PCDHA6: variants seen among roughly 807,000 people sequenced by gnomAD.
PCDHA6 encodes the protein protocadherin alpha-6.
Under a neutral mutation model 60.3 loss-of-function variants are expected in PCDHA6, and 55 were observed. That is an observed-to-expected ratio of 0.91 (90% CI 0.73 to 1.14). The LOEUF is 1.14. Among genes scored for constraint, PCDHA6 ranks in the 50% most tolerant of loss-of-function variants. PCDHA6 has a pLI of 0.00. For missense variants in PCDHA6, 1,327 were observed against 1,256.5 expected, an observed-to-expected ratio of 1.06 and a Z score of -0.85; for synonymous variants, 652 against 557.9, an observed-to-expected ratio of 1.17 and a Z score of -2.38.
At chr5:140,867,426 AT>A (rs1462800556) in intron 1 of PCDHA6, 4 of 152,150 alleles carry the variant, frequency 2.6e-5, no homozygotes, top group African/African-American at 9.7e-5. Flanking sequence ...TTAATACAGA[AT>A]TTTGCATTTA....
chr5:140,981,888 G>A (rs1554243508), intron 2 of PCDHA6, among the ~76,000 whole-genome samples: 1 of 152,140 alleles, frequency 6.6e-6, no homozygotes, highest in Non-Finnish European at 1.5e-5. Flanking sequence ...AATCTCTTCT[G>A]AGCGGGGATC....
chr5:140,946,611 A>AATATATAGATATATATATATAT (rs2093974557), intron 1 of PCDHA6, among the ~76,000 whole-genome samples: 1 of 86,814 alleles, frequency 1.2e-5, no homozygotes, highest in Non-Finnish European at 2.1e-5. Context: ...GAAAATGTGA[A>AATATATAGATATATATATATAT]ATATATATAT....
intron 1 of PCDHA6, chr5:140,841,422 C>T: frequency 6.2e-7 from 1 of 1,612,994 alleles, no homozygotes; most frequent in East Asian, 2.2e-5. Context: ...CTCCACTACT[C>T]CGTCCCCGAG....
intron 1 of PCDHA6, among the ~76,000 whole-genome samples, chr5:140,845,743 T>C (rs2150214472): frequency 6.7e-6 from 1 of 149,754 alleles, no homozygotes; most frequent in East Asian, 1.9e-4. Flanking sequence ...ACTTTATAGA[T>C]TTATTTGTAT....
intron 1 of PCDHA6, among the ~76,000 whole-genome samples, chr5:140,937,353 T>C (rs2091494629): frequency 6.6e-6 from 1 of 152,146 alleles, no homozygotes; most frequent in Admixed American, 6.5e-5. Context: ...ATTTATTTTA[T>C]TATTTTATCT....
At chr5:140,908,455 AT>A (rs367827339) in intron 1 of PCDHA6, among the ~76,000 whole-genome samples, 51 of 152,296 alleles carry the variant, frequency 3.3e-4, no homozygotes, top group African/African-American at 9.9e-4. Flanking sequence ...GGCTAGATGG[AT>A]CAGAAAGCAC....
chr5:140,932,421 G>T (rs530079640), intron 1 of PCDHA6, among the ~76,000 whole-genome samples: 1 of 151,878 alleles, frequency 6.6e-6, no homozygotes, highest in Non-Finnish European at 1.5e-5. Context: ...TTAGTGTATT[G>T]TTCACCTGGA....
chr5:140,844,840 G>A lies in PCDHA6; in HGVS notation c.2394+14355G>A, dbSNP rs2150374183. 8.0e-5 allele frequency among the ~76,000 whole-genome samples: 12 copies of A among 149,088 alleles called. No homozygotes were observed. In the East Asian group the frequency reaches 1.9e-3, roughly 24 times the overall value. On this transcript the variant is annotated intron_variant, in intron 1 of 3. Transcript: ENST00000529310. ...TTGTCTTTTTACACGTTTGCTTCTT[G>A]TGACTGTTGGACCTGCCTGGATATT...
At chr5:140,940,636 C>A (rs1554213535) in intron 1 of PCDHA6, among the ~76,000 whole-genome samples, 1 of 152,106 alleles carries the variant, frequency 6.6e-6, no homozygotes. Flanking sequence ...TTAAGCTTGT[C>A]ATTTATTTAT....
chr5:140,918,032 A>G (rs528006913), intron 1 of PCDHA6, among the ~76,000 whole-genome samples: 2 of 152,224 alleles, frequency 1.3e-5, no homozygotes, highest in East Asian at 1.9e-4. Context: ...TGAGCGTGGA[A>G]GGTCTTTCCA....
chr5:140,850,513 G>T lies in PCDHA6; in HGVS notation c.2394+20028G>T, dbSNP rs2150487190. The stretch of plus-strand genomic sequence containing the variant: ...GTGCTGGTGTCGCTGGTGGAGAGCG[G>T]CCAGGCGCCAAAGTCATCGTCGCGG... On this transcript the variant is annotated intron_variant, in intron 1 of 3. Transcript: ENST00000529310. The T allele has an allele frequency of 3.1e-6, 5 of 1,598,108 alleles. No homozygotes were observed. In the East Asian group the frequency reaches 1.1e-4, roughly 36 times the overall value.
chr5:140,876,541 C>T, intron 1 of PCDHA6: 1 of 1,614,188 alleles, frequency 6.2e-7, no homozygotes, highest in Non-Finnish European at 8.5e-7. Context: ...TTCACTGTCG[C>T]TCCCTGTGCA....
intron 1 of PCDHA6, among the ~76,000 whole-genome samples, chr5:140,955,950 C>G (rs2095241045): frequency 6.6e-6 from 1 of 151,920 alleles, no homozygotes; most frequent in African/African-American, 2.4e-5. Flanking sequence ...TGTCTACTTG[C>G]TTGTTGTTTG....
Position 140,855,317 on chromosome 5 carries a change from G to A in PCDHA6, c.2394+24832G>A, listed in dbSNP as rs568738789. Among the ~76,000 whole-genome samples, 68 of 149,944 alleles carry A rather than the reference G, an allele frequency of 4.5e-4. 6 individuals are homozygous for A. Among genetic ancestry groups the A allele is most frequent in the African/African-American group, 1.6e-3 (65 of 40,966 alleles). The stretch of plus-strand genomic sequence containing the variant: ...CCAAAGTTATAAAATTGGAACATGA[G>A]GGAGGGAGAGGTTAAACGATTTTCC... On this transcript the variant is annotated intron_variant, in intron 1 of 3. Transcript: ENST00000529310.
At chr5:140,871,049 T>A in intron 1 of PCDHA6, 4 of 1,613,302 alleles carry the variant, frequency 2.5e-6, no homozygotes, top group Non-Finnish European at 3.4e-6. Flanking sequence ...CTTCTAGTAC[T>A]GGTGAAGGAT....
intron 1 of PCDHA6, among the ~76,000 whole-genome samples, chr5:140,903,398 T>C (rs1011557575): frequency 1.3e-5 from 2 of 152,204 alleles, no homozygotes; most frequent in Admixed American, 1.3e-4. Context: ...CTAGAAACAG[T>C]AGTGCAGTCA....
chr5:140,859,385 G>C (rs1252027820), intron 1 of PCDHA6: 2 of 270,486 alleles, frequency 7.4e-6, no homozygotes, highest in African/African-American at 4.6e-5. Flanking sequence ...AGCTTCTCTA[G>C]TCATCTTAAA....
intron 1 of PCDHA6, chr5:140,843,825 CATT>C: frequency 1.7e-6 from 2 of 1,188,044 alleles, no homozygotes; most frequent in East Asian, 2.4e-5. Context: ...AAAATTTAAA[CATT>C]GTTTAGTTTT....
intron 1 of PCDHA6, among the ~76,000 whole-genome samples, chr5:140,957,031 TG>T (rs1436652232): frequency 6.6e-6 from 1 of 152,182 alleles, no homozygotes; most frequent in Non-Finnish European, 1.5e-5. Flanking sequence ...TAGATATTTA[TG>T]GGAGTCATAT....
Sources: gnomAD v4.1 joint callset for allele counts (sites outside exome capture counted in the v4.1 genomes callset) on GRCh38, gnomAD v4.1.1 for gene constraint, MANE v1.5 for transcripts, NCBI Gene and HGNC (gene_info 2026-07-23, HGNC 2026-07-21) for gene names.